The following RBPJ variants were observed in gnomAD, a reference collection of about 807,000 sequenced individuals.
RBPJ encodes the protein recombination signal binding protein for immunoglobulin kappa J region, also known as recombining binding protein suppressor of hairless.
In RBPJ, 9 loss-of-function variants were observed where a neutral mutation model predicts 67.8. The ratio of observed to expected loss-of-function variants is 0.13; its 90% confidence interval spans 0.08 to 0.23. The LOEUF is 0.23. Among genes scored for constraint, RBPJ ranks in the 10% least tolerant of loss-of-function variants. The probability of loss-of-function intolerance (pLI) is 1.00; values close to 1 mark genes in which losing one functional copy is unlikely to be tolerated. For synonymous variants in RBPJ, 198 were observed against 203.3 expected, an observed-to-expected ratio of 0.97 and a Z score of 0.22; for missense variants, 305 against 595.6, an observed-to-expected ratio of 0.51 and a Z score of 5.08.
chr4:26,131,388 G>C, the RBPJ span, among the ~76,000 whole-genome samples: 1 of 152,054 alleles, frequency 6.6e-6, no homozygotes, highest in Non-Finnish European at 1.5e-5. Context: ...CAAGTATTAC[G>C]TGGTGTCAGA....
chr4:26,398,822 C>T (rs1029911175), intron 2 of RBPJ, among the ~76,000 whole-genome samples: 1 of 152,106 alleles, frequency 6.6e-6, no homozygotes, highest in Non-Finnish European at 1.5e-5. Flanking sequence ...CTATGTTGGC[C>T]AGGCTGGTCT....
the RBPJ span, among the ~76,000 whole-genome samples, chr4:26,117,025 G>T: frequency 3.9e-5 from 6 of 152,278 alleles, no homozygotes; most frequent in Non-Finnish European, 8.8e-5. Flanking sequence ...CAGATTCAAA[G>T]CCACAACCAT....
At chr4:26,109,587 A>C in the RBPJ span, among the ~76,000 whole-genome samples, 28 of 55,936 alleles carry the variant, frequency 5.0e-4, 2 homozygotes, top group African/African-American at 7.9e-4. Context: ...CTCTATATAT[A>C]TATATATATA....
At chr4:26,409,640 C>T (rs573408911) in intron 3 of RBPJ, among the ~76,000 whole-genome samples, 6 of 152,278 alleles carry the variant, frequency 3.9e-5, no homozygotes, top group African/African-American at 1.4e-4. Context: ...GCTGGGATTA[C>T]AGGCACCCAC....
the RBPJ span, among the ~76,000 whole-genome samples, chr4:26,116,055 A>T: frequency 6.6e-6 from 1 of 152,234 alleles, no homozygotes; most frequent in Non-Finnish European, 1.5e-5. Flanking sequence ...TTAGTTCAAG[A>T]TTCCAAGTTT....
intron 1 of RBPJ, among the ~76,000 whole-genome samples, chr4:26,206,158 A>G (rs1718163097): frequency 6.6e-6 from 1 of 152,228 alleles, no homozygotes; most frequent in East Asian, 1.9e-4. Context: ...CCCCAAAATG[A>G]AAAGATTTCG....
At chr4:26,172,142 G>A (rs981220233) in intron 1 of RBPJ, among the ~76,000 whole-genome samples, 1 of 152,130 alleles carries the variant, frequency 6.6e-6, no homozygotes, top group Non-Finnish European at 1.5e-5. Flanking sequence ...AACATGGATG[G>A]AACTAAATGT....
At chr4:26,143,371 C>T in the RBPJ span, among the ~76,000 whole-genome samples, 2 of 152,214 alleles carry the variant, frequency 1.3e-5, no homozygotes, top group African/African-American at 4.8e-5. Flanking sequence ...GTGCTCAAAA[C>T]CCTCATCTCG....
intron 1 of RBPJ, among the ~76,000 whole-genome samples, chr4:26,213,589 G>A (rs1406199898): frequency 6.6e-6 from 1 of 152,178 alleles, no homozygotes. Flanking sequence ...CTGCCCATGA[G>A]AATGGAAAGG....
At chr4:26,228,491 T>C (rs572996987) in intron 1 of RBPJ, among the ~76,000 whole-genome samples, 5 of 152,218 alleles carry the variant, frequency 3.3e-5, no homozygotes, top group Non-Finnish European at 5.9e-5. Context: ...TATACCACTC[T>C]CAGTTTCCCT....
At chr4:26,362,998 G>A (rs1329921000) in intron 1 of RBPJ, among the ~76,000 whole-genome samples, 1 of 152,172 alleles carries the variant, frequency 6.6e-6, no homozygotes, top group Non-Finnish European at 1.5e-5. Context: ...ATGGTAGCCT[G>A]TACAGGAAAT....
chr4:26,407,624 A>G (rs1247937728), intron 3 of RBPJ, among the ~76,000 whole-genome samples: 1 of 152,118 alleles, frequency 6.6e-6, no homozygotes, highest in Non-Finnish European at 1.5e-5. Context: ...TTATGGAGAA[A>G]GATCAAAGGT....
intron 1 of RBPJ, among the ~76,000 whole-genome samples, chr4:26,354,869 G>T (rs1727195663): frequency 6.6e-6 from 1 of 152,182 alleles, no homozygotes; most frequent in African/African-American, 2.4e-5. Context: ...TACAAATAGA[G>T]ATGGACTGTT....
Position 26,297,800 on chromosome 4 carries a change from C to T in RBPJ, c.-166-64646C>T, listed in dbSNP as rs563393525. On this transcript the variant is annotated intron_variant, in intron 1 of 4. Coordinates refer to the RBPJ transcript ENST00000512351. ...CTGCCAGTTGTTTAATGAGCAGCAG[C>T]TTCTAAAATAAACAAAGAATATGAG... 9.2e-5 allele frequency among the ~76,000 whole-genome samples: 14 copies of T among 151,780 alleles called. No homozygotes were observed. The South Asian group carries it at 2.7e-3, about 29-fold the overall frequency.
intron 1 of RBPJ, among the ~76,000 whole-genome samples, chr4:26,259,462 T>C (rs1256324093): frequency 6.6e-6 from 1 of 152,240 alleles, no homozygotes; most frequent in Non-Finnish European, 1.5e-5. Context: ...CTTCCATCTC[T>C]TGGTAGCCAT....
chr4:26,257,875 G>A (rs1720394593), intron 1 of RBPJ, among the ~76,000 whole-genome samples: 1 of 152,160 alleles, frequency 6.6e-6, no homozygotes, highest in Non-Finnish European at 1.5e-5. Context: ...CAAATAACCT[G>A]GGCAACCAAG....
At chr4:26,390,710 C>T (rs577939533) in intron 2 of RBPJ, among the ~76,000 whole-genome samples, 1 of 152,250 alleles carries the variant, frequency 6.6e-6, no homozygotes, top group East Asian at 1.9e-4. Flanking sequence ...CCAAACATTA[C>T]TGGGAGAACT....
intron 1 of RBPJ, among the ~76,000 whole-genome samples, chr4:26,213,020 G>A (rs995929926): frequency 5.3e-5 from 8 of 152,100 alleles, no homozygotes; most frequent in Admixed American, 5.2e-4. Context: ...TCCAGACCAC[G>A]TACTATGTGT....
chr4:26,193,214 A>G (rs140922064), intron 1 of RBPJ, among the ~76,000 whole-genome samples: 136 of 152,338 alleles, frequency 8.9e-4, no homozygotes, highest in African/African-American at 3.1e-3. Context: ...AACTAATGGG[A>G]AGTTATCACA....
Sources: gnomAD v4.1 joint callset for allele counts (sites outside exome capture counted in the v4.1 genomes callset) on GRCh38, gnomAD v4.1.1 for gene constraint, MANE v1.5 for transcripts, NCBI Gene and HGNC (gene_info 2026-07-23, HGNC 2026-07-21) for gene names.